Variants in EPHA3 observed in about 807,000 individuals in gnomAD.
The protein encoded by EPHA3 is ephrin type-A receptor 3.
Under a neutral mutation model 107.1 loss-of-function variants are expected in EPHA3, and 42 were observed. The ratio of observed to expected loss-of-function variants is 0.39; its 90% CI spans 0.31 to 0.51. The LOEUF is 0.51. EPHA3 is among the 20% of genes least tolerant of loss of function. The probability of loss-of-function intolerance (pLI) is 0.78; values close to 1 mark genes in which losing one functional copy is unlikely to be tolerated. For synonymous variants in EPHA3, 461 were observed against 424.8 expected (o/e 1.09, Z -1.05); for missense variants, 1,183 against 1,211.2 (o/e 0.98, Z 0.35).
chr3:89,213,107 C>A (rs1218523241), intron 3 of EPHA3, among the ~76,000 whole-genome samples: 1 of 151,818 alleles, frequency 6.6e-6, no homozygotes, highest in Non-Finnish European at 1.5e-5. Flanking sequence ...AATTGAAAAC[C>A]TTAGTATATT....
At chr3:89,404,072 G>C (rs1709010500) in intron 7 of EPHA3, among the ~76,000 whole-genome samples, 1 of 152,026 alleles carries the variant, frequency 6.6e-6, no homozygotes, top group South Asian at 2.1e-4. Context: ...AATTAAATTA[G>C]CGCTCCCGAA....
chr3:89,343,943 G>A (rs116743805), intron 5 of EPHA3, among the ~76,000 whole-genome samples: 1,858 of 152,136 alleles, frequency 0.012, 36 homozygotes, highest in African/African-American at 0.042. Context: ...TCTTCTATGG[G>A]AAAAAATGAG....
In EPHA3 at chr3:89,481,275, T is replaced by C. The variant is rs1467136880; in HGVS notation, c.*1773T>C. ...TAGATTGTGCTCCTTCGGATATGAT[T>C]GTTTCTCAAATCTTGGCAATATTCC... On this transcript the variant is annotated 3_prime_UTR_variant, in exon 17 of 17. Transcript: ENST00000336596. 4.3e-6 allele frequency: 1 copy of C among 232,210 alleles called. No homozygotes were observed. Among genetic ancestry groups the C allele is most frequent in the Admixed American group, 5.6e-5 (1 of 17,752 alleles). The allele number at this position is 232,210 out of a possible 1,614,324, so 14.4% of individuals were successfully genotyped here. A position where few individuals can be genotyped will look rare whatever the true frequency, so the allele number is the denominator to read the frequency against.
intron 2 of EPHA3, among the ~76,000 whole-genome samples, chr3:89,145,843 T>A (rs1268021832): frequency 2.0e-5 from 3 of 151,722 alleles, no homozygotes; most frequent in Non-Finnish European, 4.4e-5. Flanking sequence ...TCAAACAATA[T>A]CATCAAAGAA....
At chr3:89,212,198 C>A (rs1704118317) in intron 3 of EPHA3, among the ~76,000 whole-genome samples, 1 of 151,866 alleles carries the variant, frequency 6.6e-6, no homozygotes, top group African/African-American at 2.4e-5. Flanking sequence ...AATACATTAT[C>A]TCTCATATTT....
chr3:89,216,268 A>G (rs1373127934), intron 3 of EPHA3, among the ~76,000 whole-genome samples: 1 of 152,000 alleles, frequency 6.6e-6, no homozygotes, highest in Non-Finnish European at 1.5e-5. Flanking sequence ...ATTTTACTTG[A>G]AAGGGGTTGT....
chr3:89,324,596 G>A (rs1268002086), intron 3 of EPHA3, among the ~76,000 whole-genome samples: 1 of 151,158 alleles, frequency 6.6e-6, no homozygotes, highest in African/African-American at 2.4e-5. Flanking sequence ...TATATTTAAG[G>A]TATACAATGT....
At chr3:89,434,689 T>A (rs1161944808) in intron 13 of EPHA3, among the ~76,000 whole-genome samples, 1 of 152,216 alleles carries the variant, frequency 6.6e-6, no homozygotes, top group Non-Finnish European at 1.5e-5. Flanking sequence ...TTTACACTGA[T>A]TGTTGTTTTG....
intron 2 of EPHA3, among the ~76,000 whole-genome samples, chr3:89,154,643 A>G (rs1421010275): frequency 6.6e-6 from 1 of 151,654 alleles, no homozygotes; most frequent in Admixed American, 6.6e-5. Context: ...TTTGGCAGCC[A>G]TTTTGTAAAC....
intron 3 of EPHA3, among the ~76,000 whole-genome samples, chr3:89,338,576 T>C (rs148953667): frequency 6.6e-6 from 1 of 152,310 alleles, no homozygotes; most frequent in African/African-American, 2.4e-5. Flanking sequence ...TGAGACGGAG[T>C]CTCGCTCTGT....
intron 5 of EPHA3, among the ~76,000 whole-genome samples, chr3:89,358,436 C>A (rs1322530807): frequency 1.3e-5 from 2 of 151,106 alleles, no homozygotes; most frequent in Non-Finnish European, 3.0e-5. Flanking sequence ...GTTCCCAAAG[C>A]ATTGACTAAG....
chr3:89,170,633 A>T (rs975992083), intron 2 of EPHA3, among the ~76,000 whole-genome samples: 2 of 152,208 alleles, frequency 1.3e-5, no homozygotes, highest in Non-Finnish European at 1.5e-5. Context: ...AGATAGAGCA[A>T]AAGTGTAGAC....
chr3:89,249,661 A>C (rs1226092702), intron 3 of EPHA3, among the ~76,000 whole-genome samples: 2 of 151,984 alleles, frequency 1.3e-5, no homozygotes, highest in Non-Finnish European at 2.9e-5. Flanking sequence ...AGGTTTCACC[A>C]CATTGCCCTC....
chr3:89,467,049 T>G (rs529276485), intron 15 of EPHA3, among the ~76,000 whole-genome samples: 12 of 152,198 alleles, frequency 7.9e-5, no homozygotes, highest in Non-Finnish European at 1.8e-4. Context: ...CTGTATATAT[T>G]CAAAATTATT....
intron 5 of EPHA3, among the ~76,000 whole-genome samples, chr3:89,377,639 T>C (rs1170357791): frequency 6.6e-6 from 1 of 152,110 alleles, no homozygotes; most frequent in Non-Finnish European, 1.5e-5. Flanking sequence ...GCCTCTAGCA[T>C]TTTTCCCTCA....
chr3:89,165,842 C>T (rs1705049172), intron 2 of EPHA3, among the ~76,000 whole-genome samples: 1 of 152,194 alleles, frequency 6.6e-6, no homozygotes, highest in African/African-American at 2.4e-5. Flanking sequence ...GGCCAACAAT[C>T]AGCTCCTCAG....
At chr3:89,254,569 A>G (rs1705236103) in intron 3 of EPHA3, among the ~76,000 whole-genome samples, 2 of 152,166 alleles carry the variant, frequency 1.3e-5, no homozygotes, top group South Asian at 2.1e-4. Flanking sequence ...GTCGAATTGT[A>G]CTCAGCTAAT....
chr3:89,343,433 C>G (rs1024510217), intron 5 of EPHA3, among the ~76,000 whole-genome samples: 2 of 152,144 alleles, frequency 1.3e-5, no homozygotes, highest in Non-Finnish European at 1.5e-5. Context: ...ACTGAGTAGT[C>G]CCCTAAGCTC....
At chr3:89,455,494 C>G (rs1235562225) in intron 15 of EPHA3, among the ~76,000 whole-genome samples, 2 of 152,134 alleles carry the variant, frequency 1.3e-5, no homozygotes, top group Non-Finnish European at 2.9e-5. Flanking sequence ...ATGGTGAGGA[C>G]TTTGAAATAT....
Sources: allele counts gnomAD v4.1 joint callset (sites outside exome capture counted in the v4.1 genomes callset), GRCh38; gene constraint gnomAD v4.1.1; transcripts MANE v1.5; gene names NCBI Gene and HGNC (gene_info 2026-07-23, HGNC 2026-07-21).